Variants in KTN1 observed in about 807,000 individuals in gnomAD.
The protein encoded by KTN1 is kinectin 1.
Under a neutral mutation model 222.5 loss-of-function variants are expected in KTN1, and 130 were observed. The observed-to-expected ratio is 0.58, with a 90% CI of 0.51 to 0.68. The LOEUF is 0.68. KTN1 is among the 30% of genes least tolerant of loss of function. The pLI is 0.00. For missense variants in KTN1, 1,508 were observed against 1,500.4 expected (o/e 1.01, Z -0.08); for synonymous variants, 512 against 496.3 (o/e 1.03, Z -0.42).
rs376347075 is a variant in KTN1 at position 55,670,680 on chromosome 14, A to AT, written c.3268-39dup. 9.2e-3 allele frequency: 11,260 copies of AT among 1,218,104 alleles called. 21 individuals carry two copies. Among genetic ancestry groups the AT allele is most frequent in the South Asian group, 0.026 (1,750 of 66,776 alleles). 75.5% of individuals were successfully genotyped at this position (1,218,104 alleles called of 1,614,324 possible). Reference sequence around the variant, plus strand: ...TAAATGTTTCACCTGTTTTATTTGGATTTTTTTTTTCTTTGGAAATTAATG... The same window carrying AT: ...TAAATGTTTCACCTGTTTTATTTGGATTTTTTTTTTTCTTTGGAAATTAATG... On this transcript the variant is annotated intron_variant, in intron 34 of 43. Transcript: ENST00000395314.
chr14:55,676,085 T>A (rs1245713365), intron 41 of KTN1, among the ~76,000 whole-genome samples, 167 bp downstream of exon 41: 1 of 152,222 alleles, frequency 6.6e-6, no homozygotes, highest in African/African-American at 2.4e-5. Flanking sequence ...ATGAAACGTT[T>A]TGGCTTGTTT....
rs749347497 is a variant in KTN1 at position 55,659,736 on chromosome 14, G to C, written c.2999+33G>C. The C allele has an allele frequency of 5.6e-6, 7 of 1,261,252 alleles. No homozygotes were observed. In the African/African-American group the frequency reaches 8.9e-5, roughly 16 times the overall value. 78.1% of individuals were successfully genotyped at this position (1,261,252 alleles called of 1,614,324 possible). ...ATAAGTTTGAGTCACAGTTTATAAA[G>C]TCGTAACTATTTTTATGTGGTAAAC... On this transcript the variant is annotated intron_variant, in intron 31 of 43. Transcript: ENST00000395314.
chr14:55,671,924 G>T (rs756417016), intron 37 of KTN1, 47 bp downstream of exon 37: 5 of 1,090,598 alleles, frequency 4.6e-6, no homozygotes, highest in Admixed American at 1.8e-5. Context: ...GATGTGTGGG[G>T]CTTGAACCAG....
At chr14:55,603,586 T>C (rs1022527346) in intron 1 of KTN1, among the ~76,000 whole-genome samples, 1 of 152,224 alleles carries the variant, frequency 6.6e-6, no homozygotes, top group Non-Finnish European at 1.5e-5. Flanking sequence ...TTTCCTGTTG[T>C]TGAATTTCAG....
chr14:55,677,426 G>A (rs1282725218), intron 41 of KTN1, among the ~76,000 whole-genome samples: 5 of 148,374 alleles, frequency 3.4e-5, no homozygotes, highest in South Asian at 2.1e-4. Context: ...GCAGTGAGCC[G>A]AGATTACGCT....
intron 22 of KTN1, 128 bp from the exon 23 acceptor site, chr14:55,650,200 A>G (rs2042800586): frequency 1.5e-6 from 1 of 688,856 alleles, no homozygotes; most frequent in Non-Finnish European, 2.5e-6. Flanking sequence ...CTACAAAGAC[A>G]TGTTGCTATT....
At chr14:55,610,356 T>TAA (rs3059141) in intron 1 of KTN1, among the ~76,000 whole-genome samples, 2,974 of 150,760 alleles carry the variant, frequency 0.02, 56 homozygotes, top group African/African-American at 0.051. Context: ...AACAATTGGT[T>TAA]AAAAAAAAAA....
intron 21 of KTN1, 35 bp downstream of exon 21, chr14:55,648,905 G>C: frequency 5.9e-6 from 8 of 1,356,430 alleles, no homozygotes; most frequent in Non-Finnish European, 8.3e-6. Context: ...CTTTGTCTCT[G>C]TGTTTTTTGT....
rs372493538 is a variant in KTN1 at position 55,598,209 on chromosome 14, G to A, written c.-30-13810G>A. 3.1e-3 allele frequency among the ~76,000 whole-genome samples: 475 copies of A among 152,282 alleles called. 3 individuals carry two copies. The highest frequency in any genetic ancestry group is 8.3e-3 in the Admixed American group (127 of 15,306). On this transcript the variant is annotated intron_variant, in intron 1 of 43. Transcript: ENST00000395314. ...CCAGCACTTTGGGAGGCCGAAGCGG[G>A]CGGATCACGAGGTCAGGAGATTGAG...
At chr14:55,597,811 G>T (rs751449241) in intron 1 of KTN1, among the ~76,000 whole-genome samples, 9 of 152,022 alleles carry the variant, frequency 5.9e-5, no homozygotes, top group South Asian at 2.1e-4. Context: ...CTGAGATCGT[G>T]CCACTGCATT....
chr14:55,643,847 T>A (rs2042032441), intron 18 of KTN1, among the ~76,000 whole-genome samples: 1 of 152,192 alleles, frequency 6.6e-6, no homozygotes, highest in Admixed American at 6.5e-5. Context: ...AGCCTTTTAT[T>A]ATAATGTTTC....
At chr14:55,625,128 G>C (rs557846915) in intron 5 of KTN1, among the ~76,000 whole-genome samples, 2 of 152,218 alleles carry the variant, frequency 1.3e-5, no homozygotes, top group East Asian at 1.9e-4. Flanking sequence ...TTCCAGTCTG[G>C]ACTCTGCCAC....
chr14:55,598,638 TTCCAGTG>T (rs1288148616), intron 1 of KTN1, among the ~76,000 whole-genome samples: 2 of 152,178 alleles, frequency 1.3e-5, no homozygotes, highest in Non-Finnish European at 2.9e-5. Flanking sequence ...AAAACTAATA[TTCCAGTG>T]TTCAGCAGGG....
intron 43 of KTN1, among the ~76,000 whole-genome samples, chr14:55,683,879 T>A (rs1311665917): frequency 2.0e-5 from 3 of 152,294 alleles, no homozygotes; most frequent in South Asian, 2.1e-4. Context: ...TCTAACAGAA[T>A]TTGGCTCACA....
intron 1 of KTN1, among the ~76,000 whole-genome samples, chr14:55,596,363 G>A (rs1056436707): frequency 1.3e-5 from 2 of 152,024 alleles, no homozygotes; most frequent in Admixed American, 1.3e-4. Flanking sequence ...CTAATAGTGA[G>A]GAAAGCAGAA....
chr14:55,596,825 T>A (rs2140420167), intron 1 of KTN1, among the ~76,000 whole-genome samples: 1 of 152,200 alleles, frequency 6.6e-6, no homozygotes, highest in South Asian at 2.1e-4. Flanking sequence ...GACAAAGTTT[T>A]TTTTGCCACT....
intron 1 of KTN1, among the ~76,000 whole-genome samples, chr14:55,599,043 T>A (rs2035535158): frequency 1.3e-5 from 2 of 152,214 alleles, no homozygotes; most frequent in South Asian, 4.1e-4. Context: ...GTCAGTTTTT[T>A]AATCGTCTGT....
At chr14:55,604,366 A>G (rs2036429833) in intron 1 of KTN1, among the ~76,000 whole-genome samples, 1 of 152,088 alleles carries the variant, frequency 6.6e-6, no homozygotes. Flanking sequence ...GTCTTTATTG[A>G]GATGTCATTT....
At chr14:55,633,155 TCA>T in intron 7 of KTN1, 78 bp from the exon 8 acceptor site, 1 of 616,982 alleles carries the variant, frequency 1.6e-6, no homozygotes, top group Non-Finnish European at 2.6e-6. Flanking sequence ...TTTTATATTC[TCA>T]TTTTAATAAA....
Sources: allele counts gnomAD v4.1 joint callset (sites outside exome capture counted in the v4.1 genomes callset), GRCh38; gene constraint gnomAD v4.1.1; transcripts MANE v1.5; gene names NCBI Gene and HGNC (gene_info 2026-07-23, HGNC 2026-07-21).